Variants in MYOM1 observed in about 807,000 individuals in gnomAD.
MYOM1 encodes myomesin 1.
Under a neutral mutation model 205.3 loss-of-function variants are expected in MYOM1, and 164 were observed. That is an observed-to-expected ratio of 0.80 (90% CI 0.70 to 0.91). The LOEUF (loss-of-function observed/expected upper bound fraction) is 0.91. Among genes scored for constraint, MYOM1 ranks in the 40% least tolerant of loss-of-function variants. The pLI is 0.00. For missense variants in MYOM1, 2,011 were observed against 2,127.3 expected (o/e 0.95, Z 1.08); for synonymous variants, 772 against 789.4 (o/e 0.98, Z 0.37).
chr18:3,145,388 C>T (rs1179407648), intron 13 of MYOM1, among the ~76,000 whole-genome samples: 1 of 150,526 alleles, frequency 6.6e-6, no homozygotes, highest in African/African-American at 2.4e-5. Flanking sequence ...GACCATAAAA[C>T]AAGTTCAAGA....
chr18:3,068,634 C>T (rs962611162), intron 37 of MYOM1, among the ~76,000 whole-genome samples: 4 of 152,148 alleles, frequency 2.6e-5, no homozygotes, highest in Admixed American at 6.5e-5. Context: ...TAGAATCATG[C>T]ACTGTATAAC....
rs182561761 is a variant in MYOM1, at chr18:3,148,236, T to C, written c.1900+909A>G. On this transcript the variant is annotated intron_variant, in intron 13 of 37. Coordinates refer to ENST00000356443, the MANE Select transcript of MYOM1 (RefSeq NM_003803.4). ...AACACATCCATTCAACTCCTAGGTA[T>C]TTACACAAGACATAAATGAAAGCAT... Among the ~76,000 whole-genome samples, 4 of 152,326 alleles carry C rather than the reference T, an allele frequency of 2.6e-5. No homozygotes were observed. In the East Asian group the frequency reaches 7.7e-4, roughly 29 times the overall value.
rs767337903 is a variant in MYOM1, at chr18:3,086,152, C to T, written c.4138-1G>A. ...GAGTCTCCTTCTTAATATTTGCCACCTAGGAGAAAAACCATAATTACTTTT... is the reference window on the plus strand; with the variant it reads ...GAGTCTCCTTCTTAATATTTGCCACTTAGGAGAAAAACCATAATTACTTTT... On this transcript the variant is annotated splice_acceptor_variant, in intron 29 of 37. Transcript: ENST00000356443. LOFTEE classifies it high-confidence loss of function. The T allele has an allele frequency of 6.4e-7, 1 of 1,565,928 alleles. No individual in the cohort carries two copies. The highest frequency in any genetic ancestry group is 8.7e-7 in the Non-Finnish European group (1 of 1,151,000).
intron 2 of MYOM1, among the ~76,000 whole-genome samples, chr18:3,210,971 G>A (rs576609939): frequency 7.2e-5 from 11 of 152,246 alleles, no homozygotes; most frequent in African/African-American, 2.4e-4. Flanking sequence ...GCTGAATTAC[G>A]TCATATAGGC....
chr18:3,091,492 A>G (rs114574514), intron 26 of MYOM1, among the ~76,000 whole-genome samples: 3,470 of 152,112 alleles, frequency 0.023, 130 homozygotes, highest in African/African-American at 0.079. Context: ...AAAAAAAATT[A>G]AACATTAAAA....
Position 3,072,759 on chromosome 18 carries a change from C to T in MYOM1, c.4709-870G>A, listed in dbSNP as rs1392072518. Reference sequence around the variant, plus strand: ...AAAATACCAGTGTGTGATAGCTTTGCCATATCAAGACCCGCTCTATCATTT... The same window carrying T: ...AAAATACCAGTGTGTGATAGCTTTGTCATATCAAGACCCGCTCTATCATTT... On this transcript the variant is annotated intron_variant, in intron 36 of 37. Transcript: ENST00000356443. Among the ~76,000 whole-genome samples, 5 of 152,118 alleles carry T rather than the reference C, an allele frequency of 3.3e-5. No individual in the cohort carries two copies. In the East Asian group the frequency reaches 5.8e-4, roughly 18 times the overall value.
At chr18:3,091,781 G>C (rs1228471612) in intron 26 of MYOM1, among the ~76,000 whole-genome samples, 1 of 152,068 alleles carries the variant, frequency 6.6e-6, no homozygotes. Flanking sequence ...GCCCAGGCTG[G>C]AGTGCAGTGG....
the MYOM1 span, among the ~76,000 whole-genome samples, chr18:3,234,581 G>A: frequency 1.1e-4 from 17 of 152,132 alleles, no homozygotes; most frequent in Non-Finnish European, 1.8e-4. Context: ...CGTTTGGGGA[G>A]AGTTGCCAGC....
intron 6 of MYOM1, among the ~76,000 whole-genome samples, chr18:3,175,634 T>C (rs895483686): frequency 6.6e-6 from 1 of 152,216 alleles, no homozygotes; most frequent in African/African-American, 2.4e-5. Context: ...CGGATCTCCA[T>C]GGCCTTTAGT....
At chr18:3,097,966 G>A (rs1335611533) in intron 25 of MYOM1, among the ~76,000 whole-genome samples, 2 of 152,176 alleles carry the variant, frequency 1.3e-5, no homozygotes, top group African/African-American at 4.8e-5. Context: ...GCTCAAAAGT[G>A]ACACCCCATC....
upstream of MYOM1, among the ~76,000 whole-genome samples, chr18:3,222,996 C>T (rs921479689): frequency 6.6e-6 from 1 of 152,148 alleles, no homozygotes. Flanking sequence ...AATTCTCCCA[C>T]CTCAGCCTCC....
intron 16 of MYOM1, among the ~76,000 whole-genome samples, chr18:3,132,732 A>T (rs180837660): frequency 3.9e-5 from 6 of 152,292 alleles, no homozygotes; most frequent in Non-Finnish European, 1.5e-5. Flanking sequence ...AGATAAGGTG[A>T]ACAATGGATT....
At chr18:3,078,266 T>A (rs1248771285) in intron 34 of MYOM1, among the ~76,000 whole-genome samples, 1 of 152,000 alleles carries the variant, frequency 6.6e-6, no homozygotes, top group Non-Finnish European at 1.5e-5. Flanking sequence ...GGTGTCGAAC[T>A]CCTGACCTCA....
chr18:3,070,252 G>A (rs898033530), intron 37 of MYOM1, among the ~76,000 whole-genome samples: 1 of 152,146 alleles, frequency 6.6e-6, no homozygotes, highest in Non-Finnish European at 1.5e-5. Context: ...GGGCTCAGGC[G>A]ATCCTCCCAT....
intron 25 of MYOM1, among the ~76,000 whole-genome samples, chr18:3,098,223 G>GGATT: frequency 6.6e-6 from 1 of 152,132 alleles, no homozygotes; most frequent in African/African-American, 2.4e-5. Flanking sequence ...AATAGTTCAT[G>GGATT]GATTCATCAA....
In MYOM1 at chr18:3,164,435, T is replaced by C. The variant is rs1230444712; in HGVS notation, c.1344A>G (p.Val448=). The C allele has an allele frequency of 6.3e-7, 1 of 1,592,006 alleles. No individual in the cohort carries two copies. Among genetic ancestry groups the C allele is most frequent in the East Asian group, 2.2e-5 (1 of 44,696 alleles). ...GCACCCATTTTGATGGAGAAAGAGGTACTCCTAGAAATATTTTAAAAGTAA... is the reference window on the plus strand; with the variant it reads ...GCACCCATTTTGATGGAGAAAGAGGCACTCCTAGAAATATTTTAAAAGTAA... The part of the protein sequence containing the change: ...QPEIQWYRNG[V]PLSPSKWVQT... Residue 448 remains valine, a synonymous_variant, in exon 10 of 38, where the codon GTA becomes GTG. Coordinates refer to ENST00000356443, the MANE Select transcript of MYOM1 (RefSeq NM_003803.4).
chr18:3,245,089 G>A, the MYOM1 span, among the ~76,000 whole-genome samples: 5 of 152,090 alleles, frequency 3.3e-5, no homozygotes, highest in African/African-American at 7.2e-5. Context: ...TGGACTTCCC[G>A]GCCTCCAGAA....
chr18:3,093,823 G>T (rs1426626647), intron 26 of MYOM1, among the ~76,000 whole-genome samples: 1 of 152,170 alleles, frequency 6.6e-6, no homozygotes, highest in African/African-American at 2.4e-5. Flanking sequence ...CCGTGCTGGG[G>T]TGTCCAGTGT....
At chr18:3,227,962 T>C in the MYOM1 span, among the ~76,000 whole-genome samples, 16 of 3,698 alleles carry the variant, frequency 4.3e-3, no homozygotes, top group African/African-American at 0.023. Context: ...TTTACCACAA[T>C]TTTTTAAAAA....
Sources: allele counts gnomAD v4.1 joint callset (sites outside exome capture counted in the v4.1 genomes callset), GRCh38; gene constraint gnomAD v4.1.1; transcripts MANE v1.5; gene names NCBI Gene and HGNC (gene_info 2026-07-23, HGNC 2026-07-21).